The following MAST4 variants were observed in gnomAD, a reference collection of about 807,000 sequenced individuals.
MAST4 encodes the protein microtubule associated serine/threonine kinase family member 4, also known as microtubule-associated serine/threonine-protein kinase 4.
MAST4 carries 89 observed loss-of-function variants against 162.7 expected under a neutral mutation model. The observed-to-expected ratio is 0.55, with a 90% confidence interval of 0.46 to 0.65. MAST4 has a LOEUF of 0.65. MAST4 is among the 30% of genes least tolerant of loss of function. The probability of loss-of-function intolerance (pLI) is 0.00; values close to 1 mark genes in which losing one functional copy is unlikely to be tolerated. For synonymous variants in MAST4, 1,479 were observed against 1,361.1 expected (o/e 1.09, Z -1.91); for missense variants, 3,153 against 3,374.0 (o/e 0.93, Z 1.62).
chr5:66,882,882 A>G (rs555917895), intron 3 of MAST4, among the ~76,000 whole-genome samples: 7 of 152,284 alleles, frequency 4.6e-5, no homozygotes, highest in African/African-American at 1.4e-4. Context: ...ACCGAGATTT[A>G]AAATGTTTAG....
intron 1 of MAST4, among the ~76,000 whole-genome samples, chr5:66,647,948 G>A (rs1353956140): frequency 6.6e-6 from 1 of 151,740 alleles, no homozygotes; most frequent in Admixed American, 6.6e-5. Context: ...CTTCTGATAA[G>A]TCATTTACAT....
At chr5:66,883,134 CATGGT>C (rs1323380435) in intron 3 of MAST4, among the ~76,000 whole-genome samples, 1 of 152,182 alleles carries the variant, frequency 6.6e-6, no homozygotes, top group African/African-American at 2.4e-5. Flanking sequence ...AGAAGAGGCC[CATGGT>C]TTCTCTCACC....
intron 1 of MAST4, among the ~76,000 whole-genome samples, chr5:66,692,380 C>G (rs1316377838): frequency 6.6e-6 from 1 of 150,418 alleles, no homozygotes; most frequent in East Asian, 2.0e-4. Flanking sequence ...AAATTCACCT[C>G]TCTTTTGATG....
chr5:67,049,027 A>AAG (rs1757771401), intron 4 of MAST4, among the ~76,000 whole-genome samples: 2 of 84,032 alleles, frequency 2.4e-5, no homozygotes, highest in African/African-American at 4.8e-5. Flanking sequence ...ATATACGTAT[A>AAG]TATATATATA....
At chr5:66,675,432 T>C (rs1747880771) in intron 1 of MAST4, among the ~76,000 whole-genome samples, 1 of 152,204 alleles carries the variant, frequency 6.6e-6, no homozygotes. Flanking sequence ...AGGAAATTCA[T>C]CCTTTTTGAT....
intron 4 of MAST4, among the ~76,000 whole-genome samples, chr5:66,913,575 T>G (rs192953957): frequency 6.6e-6 from 1 of 152,248 alleles, no homozygotes; most frequent in East Asian, 1.9e-4. Context: ...ATAAACCTGA[T>G]ATATGTGATC....
In MAST4 at chr5:67,125,484, C is replaced by T. The variant is rs183782861; in HGVS notation, c.1745+4382C>T. ...GTTCTCATTGTTCAACTTCTACTTA[C>T]GAGTGAGAACATGTGGTATTTGGTT... On this transcript the variant is annotated intron_variant, in intron 14 of 28. Transcript: ENST00000403625. 8.6e-5 allele frequency among the ~76,000 whole-genome samples: 13 copies of T among 152,044 alleles called. No individual in the cohort carries two copies. In the East Asian group the frequency reaches 1.2e-3, roughly 14 times the overall value.
intron 2 of MAST4, among the ~76,000 whole-genome samples, chr5:66,786,269 CA>C (rs1206504247): frequency 6.6e-6 from 1 of 151,518 alleles, no homozygotes; most frequent in Non-Finnish European, 1.5e-5. Context: ...TAAATTCTCC[CA>C]AGTTTTTTTT....
At chr5:66,736,381 T>C (rs1405167264) in intron 1 of MAST4, among the ~76,000 whole-genome samples, 1 of 140,114 alleles carries the variant, frequency 7.1e-6, no homozygotes. Context: ...CTTAGCCTGC[T>C]GACACACACA....
At chr5:66,824,928 GT>G (rs1388756675) in intron 3 of MAST4, among the ~76,000 whole-genome samples, 1 of 152,172 alleles carries the variant, frequency 6.6e-6, no homozygotes, top group Non-Finnish European at 1.5e-5. Context: ...AGGATTGGAA[GT>G]TGCTGTGGGT....
chr5:66,648,408 G>A lies in MAST4; in HGVS notation c.363+51390G>A, dbSNP rs140069983. ...CAGAAGCAGGAAAATAAAACAGGGCGCCTGTGTTACGTCTCTTCCATAATT... is the reference window on the plus strand; with the variant it reads ...CAGAAGCAGGAAAATAAAACAGGGCACCTGTGTTACGTCTCTTCCATAATT... On this transcript the variant is annotated intron_variant, in intron 1 of 28. Transcript: ENST00000403625. Among the ~76,000 whole-genome samples, 14 of 152,162 alleles carry A rather than the reference G, an allele frequency of 9.2e-5. No individual in the cohort carries two copies. In the East Asian group the frequency reaches 2.5e-3, roughly 27 times the overall value.
chr5:67,033,213 A>C (rs1417707326), intron 4 of MAST4, among the ~76,000 whole-genome samples: 1 of 151,516 alleles, frequency 6.6e-6, no homozygotes, highest in East Asian at 1.9e-4. Flanking sequence ...TGCTGACTTG[A>C]TAACACTTTT....
intron 1 of MAST4, among the ~76,000 whole-genome samples, chr5:66,607,517 A>C (rs763013585): frequency 2.0e-5 from 3 of 152,230 alleles, no homozygotes; most frequent in Non-Finnish European, 4.4e-5. Context: ...ACATGTTAAA[A>C]GGAATTATTT....
At chr5:66,882,102 GT>G (rs1288723922) in intron 3 of MAST4, among the ~76,000 whole-genome samples, 1 of 152,108 alleles carries the variant, frequency 6.6e-6, no homozygotes, top group African/African-American at 2.4e-5. Flanking sequence ...AGGTTAATGT[GT>G]TTTGAGATTT....
chr5:66,789,355 C>T (rs1035194994), intron 3 of MAST4, among the ~76,000 whole-genome samples: 2 of 152,098 alleles, frequency 1.3e-5, no homozygotes, highest in Non-Finnish European at 2.9e-5. Flanking sequence ...TCAGTTTTAT[C>T]GATTGACTCA....
At chr5:66,738,109 C>G (rs1192490030) in intron 1 of MAST4, 1 of 152,160 alleles carries the variant, frequency 6.6e-6, no homozygotes, top group Non-Finnish European at 1.5e-5. Context: ...TGATGACAAC[C>G]CATGACATAA....
chr5:66,932,720 T>C (rs570530602), intron 4 of MAST4, among the ~76,000 whole-genome samples: 77 of 152,332 alleles, frequency 5.1e-4, no homozygotes, highest in African/African-American at 1.8e-3. Flanking sequence ...CCTCAGAGCA[T>C]GTCTGCAATC....
chr5:67,085,799 G>A (rs1561632860), intron 5 of MAST4, among the ~76,000 whole-genome samples: 1 of 152,264 alleles, frequency 6.6e-6, no homozygotes, highest in Non-Finnish European at 1.5e-5. Flanking sequence ...TGAGACAGGT[G>A]TCTAAATGAA....
chr5:66,925,685 G>T (rs969158662), intron 4 of MAST4, among the ~76,000 whole-genome samples: 3 of 152,092 alleles, frequency 2.0e-5, no homozygotes, highest in Non-Finnish European at 2.9e-5. Flanking sequence ...CTCCCTAGGG[G>T]TAAGAAGTTT....
Sources: gnomAD v4.1 joint callset for allele counts (sites outside exome capture counted in the v4.1 genomes callset) on GRCh38, gnomAD v4.1.1 for gene constraint, MANE v1.5 for transcripts, NCBI Gene and HGNC (gene_info 2026-07-23, HGNC 2026-07-21) for gene names.